CNTN4: variants seen among roughly 807,000 people sequenced by gnomAD.
CNTN4 encodes contactin-4.
In CNTN4, 77 loss-of-function variants were observed where a neutral mutation model predicts 122.5. That is an observed-to-expected ratio of 0.63 (90% CI 0.52 to 0.76). CNTN4 has a LOEUF of 0.76. Ranked by LOEUF, CNTN4 falls within the 30% of genes least tolerant of loss-of-function variation. CNTN4 has a pLI of 0.00. For missense variants in CNTN4, 1,256 were observed against 1,259.1 expected (o/e 1.00, Z 0.04); for synonymous variants, 512 against 447.0 (o/e 1.15, Z -1.83).
intron 7 of CNTN4, among the ~76,000 whole-genome samples, chr3:2,838,335 A>C (rs1262888155): frequency 6.6e-6 from 1 of 152,190 alleles, no homozygotes. Context: ...GTATACAGGT[A>C]TCTTTAATGT....
chr3:2,211,416 T>C (rs2149441203), intron 2 of CNTN4, among the ~76,000 whole-genome samples: 1 of 152,282 alleles, frequency 6.6e-6, no homozygotes. Flanking sequence ...CCTTTTTCTG[T>C]AGGTTCAGAG....
intron 3 of CNTN4, among the ~76,000 whole-genome samples, chr3:2,484,800 G>A (rs1363116811): frequency 6.6e-6 from 1 of 152,184 alleles, no homozygotes; most frequent in East Asian, 1.9e-4. Context: ...CAGCCTCTGC[G>A]CCCACTCTGG....
At chr3:2,564,131 A>G (rs7627849) in intron 3 of CNTN4, among the ~76,000 whole-genome samples, 38,114 of 152,102 alleles carry the variant, frequency 0.25, 5,861 homozygotes, top group African/African-American at 0.43. Context: ...TAGTATAAGC[A>G]TGTTATTTTT....
chr3:3,046,807 T>A (rs1216543877), intron 23 of CNTN4, among the ~76,000 whole-genome samples: 1 of 142,712 alleles, frequency 7.0e-6, no homozygotes, highest in East Asian at 2.0e-4. Flanking sequence ...ATGGGCTAAA[T>A]GCTCCAATTA....
intron 3 of CNTN4, among the ~76,000 whole-genome samples, chr3:2,355,852 T>C (rs952892422): frequency 1.3e-5 from 2 of 152,206 alleles, no homozygotes; most frequent in African/African-American, 4.8e-5. Context: ...CAAAGATTTT[T>C]AAAATACATT....
chr3:2,646,211 T>G (rs1431822664), intron 4 of CNTN4, among the ~76,000 whole-genome samples: 1 of 152,082 alleles, frequency 6.6e-6, no homozygotes, highest in Non-Finnish European at 1.5e-5. Flanking sequence ...TAGAAGATGT[T>G]CAGTCAGACA....
At chr3:2,400,531 G>T (rs564683110) in intron 3 of CNTN4, among the ~76,000 whole-genome samples, 7 of 146,630 alleles carry the variant, frequency 4.8e-5, no homozygotes, top group African/African-American at 1.7e-4. Flanking sequence ...CCTGCCACTT[G>T]GTGGATATTT....
chr3:2,861,217 T>C (rs1002345404), intron 7 of CNTN4, among the ~76,000 whole-genome samples: 1 of 152,184 alleles, frequency 6.6e-6, no homozygotes, highest in African/African-American at 2.4e-5. Context: ...AAGACTCAAT[T>C]CATGTCTCTT....
chr3:2,601,536 C>T (rs2081047943), intron 4 of CNTN4, among the ~76,000 whole-genome samples: 1 of 152,012 alleles, frequency 6.6e-6, no homozygotes, highest in Admixed American at 6.6e-5. Flanking sequence ...TTTCTGAGGG[C>T]TCTGTTCTGT....
intron 15 of CNTN4, among the ~76,000 whole-genome samples, chr3:3,028,806 C>T (rs1698938877): frequency 6.6e-6 from 1 of 152,174 alleles, no homozygotes. Flanking sequence ...CTTATATACA[C>T]TTGACCCTTG....
intron 2 of CNTN4, among the ~76,000 whole-genome samples, chr3:2,190,806 G>GCA (rs34364522): frequency 0.28 from 41,208 of 147,402 alleles, 6,614 homozygotes; most frequent in East Asian, 0.7. Context: ...AGGACTTTAT[G>GCA]CACACACACA....
intron 13 of CNTN4, among the ~76,000 whole-genome samples, chr3:2,981,033 A>G (rs1168789681): frequency 1.3e-5 from 2 of 152,194 alleles, no homozygotes; most frequent in Non-Finnish European, 2.9e-5. Flanking sequence ...TCCTATTGGC[A>G]CAGCTGCCAG....
chr3:2,609,395 A>G (rs1329469739), intron 4 of CNTN4, among the ~76,000 whole-genome samples: 1 of 152,194 alleles, frequency 6.6e-6, no homozygotes, highest in East Asian at 1.9e-4. Context: ...ATTTGCCGGC[A>G]CCTTTATCCT....
intron 8 of CNTN4, among the ~76,000 whole-genome samples, chr3:2,870,147 A>G (rs1331336964): frequency 6.6e-6 from 1 of 152,212 alleles, no homozygotes; most frequent in East Asian, 1.9e-4. Context: ...TCAGGAACAC[A>G]AGCACTCCAG....
chr3:2,131,142 A>G (rs1559272408), intron 2 of CNTN4, among the ~76,000 whole-genome samples: 1 of 152,214 alleles, frequency 6.6e-6, no homozygotes, highest in Non-Finnish European at 1.5e-5. Flanking sequence ...AGAAGGTGAT[A>G]GTATTAATTT....
intron 4 of CNTN4, among the ~76,000 whole-genome samples, chr3:2,663,031 G>A (rs1305161015): frequency 6.6e-6 from 1 of 151,986 alleles, no homozygotes; most frequent in Non-Finnish European, 1.5e-5. Flanking sequence ...GAACCCAAGA[G>A]GCAGAAGTTG....
chr3:2,384,331 A>G (rs1304580782), intron 3 of CNTN4, among the ~76,000 whole-genome samples: 2 of 152,140 alleles, frequency 1.3e-5, no homozygotes, highest in Non-Finnish European at 2.9e-5. Flanking sequence ...AAGTTGCTTT[A>G]GTCTAGCCGT....
chr3:2,702,857 T>G (rs968007403), intron 4 of CNTN4, among the ~76,000 whole-genome samples: 8 of 152,332 alleles, frequency 5.3e-5, no homozygotes, highest in South Asian at 2.1e-4. Flanking sequence ...AGATTTCTTT[T>G]GTAGTTTGTT....
intron 4 of CNTN4, among the ~76,000 whole-genome samples, chr3:2,603,155 G>C (rs1314293802): frequency 6.6e-6 from 1 of 151,940 alleles, no homozygotes; most frequent in Non-Finnish European, 1.5e-5. Context: ...TTTTCATTTA[G>C]GATGGAACAA....
Sources: gnomAD v4.1 joint callset for allele counts (sites outside exome capture counted in the v4.1 genomes callset) on GRCh38, gnomAD v4.1.1 for gene constraint, MANE v1.5 for transcripts, NCBI Gene and HGNC (gene_info 2026-07-23, HGNC 2026-07-21) for gene names.